The following FAM13C variants were observed in gnomAD, a reference collection of about 807,000 sequenced individuals.
FAM13C encodes the protein family with sequence similarity 13 member C, also known as protein FAM13C.
In FAM13C, 37 loss-of-function variants were observed where a neutral mutation model predicts 73.2. That is an observed-to-expected ratio of 0.51 (90% CI 0.39 to 0.67). The LOEUF is 0.67. Ranked by LOEUF, FAM13C falls within the 30% of genes least tolerant of loss-of-function variation. The probability of loss-of-function intolerance (pLI) is 0.00; values close to 1 mark genes in which losing one functional copy is unlikely to be tolerated. For synonymous variants in FAM13C, 246 were observed against 260.9 expected (o/e 0.94, Z 0.55); for missense variants, 589 against 715.6 (o/e 0.82, Z 2.02).
At chr10:59,352,734 T>C (rs1030295785) in intron 2 of FAM13C, among the ~76,000 whole-genome samples, 1 of 152,234 alleles carries the variant, frequency 6.6e-6, no homozygotes, top group Non-Finnish European at 1.5e-5. Context: ...ATCATTATTA[T>C]TATTTTTCTA....
rs1264183254 is a variant in FAM13C at position 59,269,994 on chromosome 10, C to A, written c.708G>T (p.Leu236=). The A allele has an allele frequency of 5.6e-6, 9 of 1,613,974 alleles. No individual in the cohort carries two copies. The highest frequency in any genetic ancestry group is 7.6e-6 in the Non-Finnish European group (9 of 1,179,920). The change falls in exon 7 of 14, where the codon CTG becomes CTT. Residue 236 remains leucine (L), a synonymous_variant. Coordinates refer to ENST00000618804, the MANE Select transcript of FAM13C (RefSeq NM_198215.4). ...TGAAGATGGAGCATCGTGGCGACAG[C>A]AGTGGGTTATCACCATCAGTGATGT... ...LYHITDGDNP[L]LSPRCSIFSQ...
Position 59,270,106 on chromosome 10 carries a change from G to A in FAM13C, c.596C>T (p.Pro199Leu). 6.2e-7 allele frequency: 1 copy of A among 1,612,416 alleles called. No homozygotes were observed. Among genetic ancestry groups the A allele is most frequent in the East Asian group, 2.2e-5 (1 of 44,860 alleles). The change falls in exon 7 of 14, where the codon CCC (proline) becomes CTC (leucine). Residue 199 changes from proline to leucine, a missense_variant. Transcript: ENST00000618804. The stretch of plus-strand genomic sequence containing the variant: ...CTGCCCATCTTTGTGGACTGGTGAG[G>A]GGTCTGGGCAAATGAGACAAATCAT... ...VLADGTDSAD[P>L]SPVHKDGQNE...
chr10:59,269,019 A>G (rs888997236), intron 7 of FAM13C, among the ~76,000 whole-genome samples: 1 of 152,178 alleles, frequency 6.6e-6, no homozygotes, highest in African/African-American at 2.4e-5. Flanking sequence ...TGCCCAAGCC[A>G]TACCTACCAA....
chr10:59,287,910 C>G (rs565732351), intron 5 of FAM13C, among the ~76,000 whole-genome samples: 71 of 152,338 alleles, frequency 4.7e-4, no homozygotes, highest in Non-Finnish European at 7.6e-4. Context: ...CACTTTACCC[C>G]CCAGGGTCTT....
chr10:59,335,489 A>C (rs1377755946), intron 3 of FAM13C, among the ~76,000 whole-genome samples: 1 of 152,164 alleles, frequency 6.6e-6, no homozygotes, highest in African/African-American at 2.4e-5. Flanking sequence ...TAGATACCCC[A>C]TGTCTCTAAC....
At chr10:59,298,961 G>C (rs1847243360) in intron 5 of FAM13C, among the ~76,000 whole-genome samples, 1 of 152,208 alleles carries the variant, frequency 6.6e-6, no homozygotes, top group African/African-American at 2.4e-5. Context: ...GGCTGGTGGG[G>C]AGGAAGGAGG....
At chr10:59,252,772 G>A in intron 12 of FAM13C, 27 bp downstream of exon 12, 1 of 1,606,878 alleles carries the variant, frequency 6.2e-7, no homozygotes, top group Non-Finnish European at 8.5e-7. Flanking sequence ...GTTAAGAGGA[G>A]ACTCCACACT....
intron 4 of FAM13C, among the ~76,000 whole-genome samples, chr10:59,304,481 T>A (rs921959982): frequency 6.6e-6 from 1 of 152,048 alleles, no homozygotes; most frequent in South Asian, 2.1e-4. Context: ...AGGGTTTTTA[T>A]AATTTTGAGT....
At position 59,246,621 on chromosome 10, in the gene FAM13C, CAAAT is replaced by C. The variant is rs1376962908; in HGVS notation, c.*989_*992del. The C allele has an allele frequency of 4.5e-5, 18 of 397,548 alleles. No homozygotes were observed. In the Admixed American group the frequency reaches 6.2e-4, roughly 14 times the overall value. The allele number at this position is 397,548 out of a possible 1,614,324, so 24.6% of individuals were successfully genotyped here. A position where few individuals can be genotyped will look rare whatever the true frequency, so the allele number is the denominator to read the frequency against. On this transcript the variant is annotated 3_prime_UTR_variant, in exon 14 of 14. Coordinates refer to ENST00000618804, the MANE Select transcript of FAM13C (RefSeq NM_198215.4). The stretch of plus-strand genomic sequence containing the variant: ...ATGATATACACTGAAGTTGATGAAG[CAAAT>C]AAATATTCTGGCTTCTTTTTCAAGG...
chr10:59,271,385 G>C (rs1843702834), intron 6 of FAM13C, among the ~76,000 whole-genome samples: 1 of 152,226 alleles, frequency 6.6e-6, no homozygotes, highest in African/African-American at 2.4e-5. Context: ...AGGTCCTCCT[G>C]TGTTTTCAGC....
intron 3 of FAM13C, 90 bp from the exon 4 acceptor site, chr10:59,324,196 A>G: frequency 1.0e-6 from 1 of 989,676 alleles, no homozygotes; most frequent in Non-Finnish European, 1.5e-6. Context: ...CGGGGCAGGG[A>G]AGCAGCAATG....
intron 4 of FAM13C, among the ~76,000 whole-genome samples, chr10:59,308,441 TCACCATCACCATCACCATTGC>T (rs1330855695): frequency 1.4e-5 from 2 of 147,600 alleles, no homozygotes; most frequent in Admixed American, 6.7e-5. Context: ...ATCACCATCA[TCACCATCACCATCACCATTGC>T]CACCATCACT....
chr10:59,253,340 C>T (rs1310152876), intron 11 of FAM13C, among the ~76,000 whole-genome samples: 1 of 152,188 alleles, frequency 6.6e-6, no homozygotes, highest in Non-Finnish European at 1.5e-5. Context: ...ACCTTCTGGG[C>T]TCCAGCTTAA....
chr10:59,269,059 T>A (rs1027396995), intron 7 of FAM13C, among the ~76,000 whole-genome samples: 1 of 152,180 alleles, frequency 6.6e-6, no homozygotes, highest in African/African-American at 2.4e-5. Context: ...GATGAGTGGT[T>A]AACTTTTCTT....
chr10:59,300,840 A>T (rs945082550), intron 5 of FAM13C: 3 of 152,248 alleles, frequency 2.0e-5, no homozygotes, highest in African/African-American at 7.2e-5. Context: ...GGCATCTGGG[A>T]TGCTGGTAAT....
chr10:59,292,672 C>T (rs946175815), intron 5 of FAM13C, among the ~76,000 whole-genome samples: 2 of 152,208 alleles, frequency 1.3e-5, no homozygotes, highest in African/African-American at 4.8e-5. Context: ...AAAGCATGGC[C>T]ATTTCCTCAA....
chr10:59,352,509 TA>T, intron 2 of FAM13C, 35 bp from the exon 3 acceptor site: 2 of 1,533,944 alleles, frequency 1.3e-6, no homozygotes, highest in Non-Finnish European at 1.8e-6. Flanking sequence ...GAAAGTACCT[TA>T]AAAAAAGATG....
chr10:59,268,479 G>A, intron 8 of FAM13C, 74 bp downstream of exon 8: 1 of 1,574,394 alleles, frequency 6.4e-7, no homozygotes, highest in South Asian at 1.2e-5. Context: ...CACCCAGAAA[G>A]GAAGGACAGA....
In FAM13C at chr10:59,251,431, AT is replaced by A. The variant is rs1253672657; in HGVS notation, c.1634+143del. The A allele has an allele frequency of 2.6e-5, 19 of 734,486 alleles. No homozygotes were observed. In the African/African-American group the frequency reaches 3.3e-4, roughly 13 times the overall value. 45.5% of individuals were successfully genotyped at this position (734,486 alleles called of 1,614,324 possible). On this transcript the variant is annotated intron_variant, in intron 13 of 13. Coordinates refer to ENST00000618804, the MANE Select transcript of FAM13C (RefSeq NM_198215.4). ...AATACTGGCACTATTAGAATGTTGC[AT>A]TGGACAAATCCTGAGTCTAAGCCAG... is the stretch of plus-strand genomic sequence containing the variant.
Sources: gnomAD v4.1 joint callset for allele counts (sites outside exome capture counted in the v4.1 genomes callset) on GRCh38, gnomAD v4.1.1 for gene constraint, MANE v1.5 for transcripts, NCBI Gene and HGNC (gene_info 2026-07-23, HGNC 2026-07-21) for gene names.